ZNF267: variants seen among roughly 807,000 people sequenced by gnomAD.
ZNF267 encodes zinc finger protein 267, also known as zinc finger (C2H2).
Under a neutral mutation model 71.6 loss-of-function variants are expected in ZNF267, and 61 were observed. That is an observed-to-expected ratio of 0.85 (90% CI 0.69 to 1.05). The LOEUF (loss-of-function observed/expected upper bound fraction) is 1.05, where lower values mean the gene tolerates loss of function less well. Among genes scored for constraint, ZNF267 ranks in the 50% least tolerant of loss-of-function variants. ZNF267 has a pLI of 0.00. For synonymous variants in ZNF267, 288 were observed against 293.2 expected, an observed-to-expected ratio of 0.98 and a Z score of 0.18; for missense variants, 852 against 870.0, an observed-to-expected ratio of 0.98 and a Z score of 0.26.
At chr16:31,906,742 T>G (rs1209991706) in intron 3 of ZNF267, among the ~76,000 whole-genome samples, 1 of 152,018 alleles carries the variant, frequency 6.6e-6, no homozygotes, top group Non-Finnish European at 1.5e-5. Context: ...AGGCAGTGCC[T>G]CACCCTGCTT....
intron 3 of ZNF267, chr16:31,895,106 GC>G (rs2083988469): frequency 5.1e-6 from 1 of 196,998 alleles, no homozygotes; most frequent in East Asian, 1.7e-4. Flanking sequence ...CATCTTGCTT[GC>G]CATGGGAGCT....
At chr16:31,877,134 C>T (rs1353650339) in intron 1 of ZNF267, among the ~76,000 whole-genome samples, 1 of 152,036 alleles carries the variant, frequency 6.6e-6, no homozygotes, top group African/African-American at 2.4e-5. Context: ...TAACACTCCC[C>T]CCACCCGACA....
At position 31,875,270 on chromosome 16, in the gene ZNF267, C is replaced by T. The variant is rs2083844159; in HGVS notation, c.3+1301C>T. On this transcript the variant is annotated intron_variant, in intron 1 of 3. Transcript: ENST00000300870. The stretch of plus-strand genomic sequence containing the variant: ...CCTGGAGTGTTTAGTGACTGTCAGC[C>T]CCAGGTCACCTCCTGTTAGAGGACC... The T allele has an allele frequency of 1.0e-5, 13 of 1,289,122 alleles. No individual in the cohort carries two copies. In the South Asian group the frequency reaches 1.4e-4, roughly 13 times the overall value. The allele number at this position is 1,289,122 out of a possible 1,614,324, so 79.9% of individuals were successfully genotyped here.
At chr16:31,885,137 A>T (rs1488648039) in intron 2 of ZNF267, 24 bp from the exon 3 acceptor site, 1 of 1,566,248 alleles carries the variant, frequency 6.4e-7, no homozygotes, top group East Asian at 2.2e-5. Flanking sequence ...ATTAAGAGTC[A>T]TGTGAATTTT....
At position 31,915,661 on chromosome 16, in the gene ZNF267, A is replaced by C; in HGVS notation, c.1412A>C (p.Lys471Thr). The change falls in exon 4 of 4, where the codon AAA (lysine) becomes ACA (threonine). Residue 471 changes from lysine (K) to threonine (T), a missense_variant. Physicochemically the swap from Lys to Thr is moderately conservative, Grantham distance 78 (BLOSUM62 -1). Transcript: ENST00000300870. ...CTTTACAAATGTAAAGTATGTAGCA[A>C]ATCTTATGCTCGTTCTTCAAATCTT... ...EKLYKCKVCS[K>T]SYARSSNLIM... The C allele has an allele frequency of 6.2e-7, 1 of 1,613,950 alleles. No individual in the cohort carries two copies. Among genetic ancestry groups the C allele is most frequent in the Non-Finnish European group, 8.5e-7 (1 of 1,179,984 alleles).
At chr16:31,899,003 A>G (rs7185691) in intron 3 of ZNF267, among the ~76,000 whole-genome samples, 133,790 of 152,140 alleles carry the variant, frequency 0.88, 60,338 homozygotes, top group East Asian at 1. Flanking sequence ...AAATATATAT[A>G]CACCCAATAC....
chr16:31,885,599 C>A (rs1442341226), intron 3 of ZNF267, among the ~76,000 whole-genome samples: 1 of 152,136 alleles, frequency 6.6e-6, no homozygotes, highest in Non-Finnish European at 1.5e-5. Flanking sequence ...GAAACCACTT[C>A]TAAAGTTCTG....
At chr16:31,880,047 A>G (rs564442654) in intron 1 of ZNF267, among the ~76,000 whole-genome samples, 1 of 152,186 alleles carries the variant, frequency 6.6e-6, no homozygotes, top group South Asian at 2.1e-4. Flanking sequence ...ATACACAAGA[A>G]TTGCAGAGCC....
intron 3 of ZNF267, among the ~76,000 whole-genome samples, chr16:31,902,094 G>A (rs1338874560): frequency 9.9e-5 from 15 of 152,090 alleles, no homozygotes; most frequent in Admixed American, 7.2e-4. Flanking sequence ...GTCAAAGATC[G>A]GATGGTTGTA....
chr16:31,910,223 A>G (rs1279190138), intron 3 of ZNF267, among the ~76,000 whole-genome samples: 10 of 148,144 alleles, frequency 6.8e-5, no homozygotes, highest in Admixed American at 6.6e-4. Flanking sequence ...TCATCTTTTG[A>G]TGTATCTTTT....
chr16:31,894,433 T>C, intron 3 of ZNF267: 1 of 429,188 alleles, frequency 2.3e-6, no homozygotes, highest in South Asian at 1.9e-5. Context: ...ATGGTTTATG[T>C]TAAGCACTCC....
At position 31,914,658 on chromosome 16, in the gene ZNF267, G is replaced by T; in HGVS notation, c.409G>T (p.Asp137Tyr). Residue 137 changes from aspartate (D) to tyrosine (Y), a missense_variant, in exon 4 of 4, where the codon GAT becomes TAT. Asp to Tyr is a radical substitution (Grantham distance 160, BLOSUM62 -3). Transcript: ENST00000300870. Reference sequence around the variant, plus strand: ...TTATGATGAAAAGACTTTTAAATATGATCAATTTGATGAATCCTCTGTTGA... The same window carrying T: ...TTATGATGAAAAGACTTTTAAATATTATCAATTTGATGAATCCTCTGTTGA... ...GCYDEKTFKY[D>Y]QFDESSVESL... 6.2e-7 allele frequency: 1 copy of T among 1,613,996 alleles called. No homozygotes were observed. The highest frequency in any genetic ancestry group is 8.5e-7 in the Non-Finnish European group (1 of 1,179,980).
intron 1 of ZNF267, among the ~76,000 whole-genome samples, chr16:31,876,752 T>C (rs1596612273): frequency 6.6e-6 from 1 of 152,200 alleles, no homozygotes; most frequent in South Asian, 2.1e-4. Context: ...GGCATTCTCA[T>C]TGAATACTAA....
chr16:31,900,220 A>G (rs1026861801), intron 3 of ZNF267, among the ~76,000 whole-genome samples: 2 of 152,146 alleles, frequency 1.3e-5, no homozygotes. Context: ...TTTCAAATGT[A>G]TAGCAGAATT....
chr16:31,891,662 T>C (rs1160304358), intron 3 of ZNF267, among the ~76,000 whole-genome samples: 1 of 152,230 alleles, frequency 6.6e-6, no homozygotes, highest in Non-Finnish European at 1.5e-5. Flanking sequence ...GCACAGGCTC[T>C]CTTCTCTTGT....
chr16:31,915,384 C>G lies in ZNF267; in HGVS notation c.1135C>G (p.Leu379Val), dbSNP rs1410316513. The G allele has an allele frequency of 4.3e-6, 7 of 1,613,400 alleles. No homozygotes were observed. Among genetic ancestry groups the G allele is most frequent in the Non-Finnish European group, 5.9e-6 (7 of 1,179,820 alleles). ...KQQQIDTGENLYKCKACSKSF... is the reference protein window; with the variant it reads ...KQQQIDTGENVYKCKACSKSF... ...GCAGCAAATTGATACTGGAGAAAAC[C>G]TTTACAAATGTAAAGCATGTAGCAA... Residue 379 changes from leucine to valine, a missense_variant, in exon 4 of 4, where the codon CTT becomes GTT. Physicochemically the swap from Leu to Val is conservative, Grantham distance 32. Coordinates refer to ENST00000300870, the MANE Select transcript of ZNF267 (RefSeq NM_003414.6).
intron 3 of ZNF267, among the ~76,000 whole-genome samples, chr16:31,897,060 CGAG>C (rs2084004710): frequency 6.6e-6 from 1 of 150,410 alleles, no homozygotes; most frequent in Admixed American, 6.6e-5. Context: ...AAATTGGAAA[CGAG>C]GAAGTTAAAT....
chr16:31,878,055 G>T (rs2083864479), intron 1 of ZNF267, among the ~76,000 whole-genome samples: 1 of 152,174 alleles, frequency 6.6e-6, no homozygotes, highest in African/African-American at 2.4e-5. Context: ...TTGTGGGACT[G>T]AGCCGAGAAC....
intron 3 of ZNF267, among the ~76,000 whole-genome samples, chr16:31,900,663 C>G (rs1316693270): frequency 1.3e-5 from 2 of 150,832 alleles, no homozygotes; most frequent in Non-Finnish European, 2.9e-5. Context: ...CTAGGATGGT[C>G]TTGATCTCCT....
Sources: allele counts gnomAD v4.1 joint callset (sites outside exome capture counted in the v4.1 genomes callset), GRCh38; gene constraint gnomAD v4.1.1; transcripts MANE v1.5; gene names NCBI Gene and HGNC (gene_info 2026-07-23, HGNC 2026-07-21).